Variants in FAM149A observed in about 807,000 individuals in gnomAD.
The protein encoded by FAM149A is family with sequence similarity 149 member A.
Under a neutral mutation model 78.2 loss-of-function variants are expected in FAM149A, and 71 were observed. The ratio of observed to expected loss-of-function variants is 0.91; its 90% CI spans 0.75 to 1.11. The LOEUF (loss-of-function observed/expected upper bound fraction) is 1.11, where lower values mean the gene tolerates loss of function less well. Ranked by LOEUF, FAM149A falls within the 50% of genes least tolerant of loss-of-function variation. The pLI, the probability that FAM149A is intolerant of heterozygous loss-of-function variation, is 0.00. For synonymous variants in FAM149A, 446 were observed against 410.5 expected, an observed-to-expected ratio of 1.09 and a Z score of -1.04; for missense variants, 1,036 against 971.0, an observed-to-expected ratio of 1.07 and a Z score of -0.89.
At chr4:186,149,138 T>C (rs1192189592) in intron 1 of FAM149A, 35 bp from the exon 2 acceptor site, 1 of 1,256,732 alleles carries the variant, frequency 8.0e-7, no homozygotes, top group South Asian at 1.3e-5. Flanking sequence ...TATTATTACA[T>C]TAGGGAGACT....
Position 186,105,302 on chromosome 4 carries a change from T to C in FAM149A, c.226T>C (p.Ser76Pro). The change falls in exon 1 of 14, where the codon TCC becomes CCC. Residue 76 changes from serine to proline, a missense_variant. By Grantham distance (74) the Ser-to-Pro change is moderately conservative. This residue lies in a region of FAM149A where 316 missense variants were observed against 241.9 expected (regional missense o/e 1.31). Coordinates refer to ENST00000389354, the MANE Select transcript of FAM149A (RefSeq NM_001367768.3). ...GCGGTCGCCCGCCCCGCTGCTCTCC[T>C]CCCCCTACTCCCGGGGCTCCGCCGC... 2 of 1,173,332 alleles carry C rather than the reference T, an allele frequency of 1.7e-6. No individual in the cohort carries two copies. The highest frequency in any genetic ancestry group is 2.1e-6 in the Non-Finnish European group (2 of 942,094). 72.7% of individuals were successfully genotyped at this position (1,173,332 alleles called of 1,614,324 possible).
At position 186,164,455 on chromosome 4, in the gene FAM149A, G is replaced by T; in HGVS notation, c.1889+822G>T. Reference sequence around the variant, plus strand: ...TCAGGAGCCGAGCTCAGGAGCGGGCGGCTGCCAACGCTTACCTGGCACCCA... The same window carrying T: ...TCAGGAGCCGAGCTCAGGAGCGGGCTGCTGCCAACGCTTACCTGGCACCCA... On this transcript the variant is annotated intron_variant, in intron 10 of 13. Coordinates refer to ENST00000389354, the MANE Select transcript of FAM149A (RefSeq NM_001367768.3). The surrounding 1 kb of genome is among the most constrained non-coding windows in gnomAD (Gnocchi z 4.0). 1.0e-6 allele frequency: 1 copy of T among 985,344 alleles called. No homozygotes were observed. The highest frequency in any genetic ancestry group is 1.2e-6 in the Non-Finnish European group (1 of 829,900). 61.0% of individuals were successfully genotyped at this position (985,344 alleles called of 1,614,324 possible).
At chr4:186,110,575 T>C (rs1431975752) in intron 1 of FAM149A, among the ~76,000 whole-genome samples, 3 of 121,284 alleles carry the variant, frequency 2.5e-5, no homozygotes, top group South Asian at 3.7e-4. Flanking sequence ...CCCCAGAGTG[T>C]GATATTCCCC....
In FAM149A at chr4:186,144,951, GGGCGC is replaced by G. The variant is rs1198999614; in HGVS notation, c.567-4219_567-4215del. 10 of 912,114 alleles carry G rather than the reference GGGCGC, an allele frequency of 1.1e-5. No homozygotes were observed. In the African/African-American group the frequency reaches 2.9e-4, roughly 27 times the overall value. The allele number at this position is 912,114 out of a possible 1,614,324, so 56.5% of individuals were successfully genotyped here. On this transcript the variant is annotated intron_variant, in intron 1 of 13. Transcript: ENST00000389354. This position sits in a 1 kb window ranked among gnomAD's most constrained non-coding sequence, Gnocchi z 4.2. ...CGGGCGCGGGCGCGGGCGCGGGCGC[GGGCGC>G]GGGCGGGTGGGGAGCCCCAGCCCCG...
chr4:186,166,333 T>C (rs1176539461), intron 11 of FAM149A, among the ~76,000 whole-genome samples: 1 of 152,204 alleles, frequency 6.6e-6, no homozygotes, highest in Non-Finnish European at 1.5e-5. Context: ...AAAGTGTTCA[T>C]GTTTAACCTT....
chr4:186,115,958 T>C (rs372109164), intron 1 of FAM149A, among the ~76,000 whole-genome samples: 526 of 3,166 alleles, frequency 0.17, 257 homozygotes, highest in South Asian at 0.5. Flanking sequence ...TTTACCTAAG[T>C]AAGCCTGGGC....
chr4:186,165,498 T>C, intron 11 of FAM149A, 34 bp downstream of exon 11: 1 of 1,611,310 alleles, frequency 6.2e-7, no homozygotes, highest in East Asian at 2.2e-5. Flanking sequence ...CAGTGGACCA[T>C]TTAGGTTCTG....
intron 3 of FAM149A, chr4:186,151,587 T>C (rs960840304): frequency 3.9e-6 from 1 of 255,414 alleles, no homozygotes; most frequent in African/African-American, 2.3e-5. Flanking sequence ...TGTCTGTGTG[T>C]CTACGCTGAT....
rs1201976109 is a variant in FAM149A, at chr4:186,105,414, C to T, written c.338C>T (p.Pro113Leu). The T allele has an allele frequency of 5.0e-6, 6 of 1,190,068 alleles. No homozygotes were observed. The highest frequency in any genetic ancestry group is 6.3e-6 in the Non-Finnish European group (6 of 947,210). The allele number at this position is 1,190,068 out of a possible 1,614,324, so 73.7% of individuals were successfully genotyped here. Reference sequence around the variant, plus strand: ...AAAGCCCCGCCCCAGCCCCCCACTCCCTCCGGCGGGGGCTGCTCCCCTGCT... The same window carrying T: ...AAAGCCCCGCCCCAGCCCCCCACTCTCTCCGGCGGGGGCTGCTCCCCTGCT... Residue 113 changes from proline to leucine, a missense_variant, in exon 1 of 14, where the codon CCC (proline) becomes CTC (leucine). Coordinates refer to ENST00000389354, the MANE Select transcript of FAM149A (RefSeq NM_001367768.3).
At chr4:186,168,192 T>C (rs1293557940) in intron 13 of FAM149A, among the ~76,000 whole-genome samples, 2 of 152,208 alleles carry the variant, frequency 1.3e-5, no homozygotes, top group East Asian at 3.8e-4. Context: ...ATGTCGAGAT[T>C]CTTCAGCTCT....
rs767600638 is a variant in FAM149A at position 186,167,083 on chromosome 4, C to G, written c.2126C>G (p.Thr709Ser). ...GAACGGTTGTCAAGGCCCAGCACAA[C>G]CCACACGTTCCGGGTGGGTTCTCTG... Residue 709 changes from threonine to serine, a missense_variant, in exon 12 of 14, where the codon ACC (threonine) becomes AGC (serine). Thr to Ser is a moderately conservative substitution (Grantham distance 58). Coordinates refer to ENST00000389354, the MANE Select transcript of FAM149A (RefSeq NM_001367768.3). 11 of 1,613,548 alleles carry G rather than the reference C, an allele frequency of 6.8e-6. No homozygotes were observed. In the African/African-American group the frequency reaches 1.5e-4, roughly 22 times the overall value.
intron 1 of FAM149A, chr4:186,108,990 G>GGC (rs2150076343): frequency 6.5e-6 from 1 of 152,860 alleles, no homozygotes; most frequent in East Asian, 1.9e-4. Context: ...TGGGACTGCA[G>GGC]GTGCCTGCCA....
At chr4:186,117,235 A>T (rs2099314136) in intron 1 of FAM149A, among the ~76,000 whole-genome samples, 1 of 152,182 alleles carries the variant, frequency 6.6e-6, no homozygotes, top group South Asian at 2.1e-4. Flanking sequence ...TACAAAATAC[A>T]GTTTATTGCT....
At position 186,164,041 on chromosome 4, in the gene FAM149A, A is replaced by G. The variant is rs762057721; in HGVS notation, c.1889+408A>G. Among the ~76,000 whole-genome samples the G allele has an allele frequency of 6.6e-6, 1 of 152,166 alleles. No individual in the cohort carries two copies. The highest frequency in any genetic ancestry group is 1.5e-5 in the Non-Finnish European group (1 of 68,034). On this transcript the variant is annotated intron_variant, in intron 10 of 13. Coordinates refer to ENST00000389354, the MANE Select transcript of FAM149A (RefSeq NM_001367768.3). The surrounding 1 kb of genome is among the most constrained non-coding windows in gnomAD (Gnocchi z 4.0). The stretch of plus-strand genomic sequence containing the variant: ...CCTATCGGATTATCTTTAAGGATGC[A>G]TTTTTCTCTATGTGGGAGTTTCAGC...
chr4:186,149,526 C>G, intron 2 of FAM149A, 40 bp from the exon 3 acceptor site: 1 of 1,289,478 alleles, frequency 7.8e-7, no homozygotes, highest in Non-Finnish European at 1.0e-6. Flanking sequence ...CCAAGCCCTT[C>G]CAGCAAATGT....
At position 186,156,010 on chromosome 4, in the gene FAM149A, T is replaced by C. The variant is rs779207239; in HGVS notation, c.1240T>C (p.Cys414Arg). 2 of 1,611,750 alleles carry C rather than the reference T, an allele frequency of 1.2e-6. No homozygotes were observed. Among genetic ancestry groups the C allele is most frequent in the Admixed American group, 1.7e-5 (1 of 59,524 alleles). The change falls in exon 7 of 14, where the codon TGT (cysteine) becomes CGT (arginine). Residue 414 changes from cysteine (C) to arginine (R), a missense_variant. Physicochemically the swap from Cys to Arg is radical, Grantham distance 180. Around this residue, in one of 3 missense-constraint regions of FAM149A, gnomAD observed 716 missense variants for 711.8 expected, o/e 1.01. Coordinates refer to ENST00000389354, the MANE Select transcript of FAM149A (RefSeq NM_001367768.3). ...GGTTTTTATTCTTAGTGATGATGAATGTCTTGAACAAAAACCAGCTCAGCC... is the reference window on the plus strand; with the variant it reads ...GGTTTTTATTCTTAGTGATGATGAACGTCTTGAACAAAAACCAGCTCAGCC...
At chr4:186,159,584 T>C (rs1311656106) in intron 8 of FAM149A, among the ~76,000 whole-genome samples, 2 of 151,584 alleles carry the variant, frequency 1.3e-5, no homozygotes, top group African/African-American at 4.9e-5. Flanking sequence ...TGAACTTTAG[T>C]GTCCTTAGCT....
intron 1 of FAM149A, among the ~76,000 whole-genome samples, chr4:186,137,021 A>ACTCTCTCTCTCTCTCTCTCTCTCTC (rs1554068550): frequency 2.1e-5 from 2 of 93,782 alleles, no homozygotes; most frequent in East Asian, 4.8e-4. Flanking sequence ...TCTCTCTCTA[A>ACTCTCTCTCTCTCTCTCTCTCTCTC]GTGCTTAAAG....
intron 4 of FAM149A, 51 bp from the exon 5 acceptor site, chr4:186,153,581 AAATCTCCAAACAT>A: frequency 1.3e-6 from 2 of 1,568,376 alleles, no homozygotes; most frequent in Non-Finnish European, 1.7e-6. Context: ...CCTACTTTTA[AAATCTCCAAACAT>A]TTTCCCTTTG....
Sources: gnomAD v4.1 joint callset for allele counts (sites outside exome capture counted in the v4.1 genomes callset) on GRCh38, gnomAD v4.1.1 for gene constraint, gnomAD v4.1.1 regional missense constraint, Gnocchi (gnomAD v3.1) non-coding constraint, MANE v1.5 for transcripts, NCBI Gene and HGNC (gene_info 2026-07-23, HGNC 2026-07-21) for gene names.